CRPPA: variants seen among roughly 807,000 people sequenced by gnomAD.
CRPPA encodes D-ribitol-5-phosphate cytidylyltransferase.
Under a neutral mutation model 52.0 loss-of-function variants are expected in CRPPA, and 43 were observed. The observed-to-expected ratio is 0.83, with a 90% CI of 0.65 to 1.07. The LOEUF (loss-of-function observed/expected upper bound fraction) is 1.07. Among genes scored for constraint, CRPPA ranks in the 50% least tolerant of loss-of-function variants. The pLI is 0.00. For missense variants in CRPPA, 629 were observed against 551.7 expected (o/e 1.14, Z -1.40); for synonymous variants, 250 against 203.5 (o/e 1.23, Z -1.94).
intron 3 of CRPPA, among the ~76,000 whole-genome samples, chr7:16,324,352 T>A (rs551971799): frequency 6.6e-6 from 1 of 152,202 alleles, no homozygotes; most frequent in Non-Finnish European, 1.5e-5. Flanking sequence ...CTCCTCAGCA[T>A]CAAGAAGTTG....
At chr7:16,099,937 A>G (rs1782009658) in intron 9 of CRPPA, among the ~76,000 whole-genome samples, 1 of 152,178 alleles carries the variant, frequency 6.6e-6, no homozygotes, top group Admixed American at 6.5e-5. Context: ...GTAAGCCTAC[A>G]TTAACACCAT....
intron 1 of CRPPA, among the ~76,000 whole-genome samples, chr7:16,408,122 TAAA>T (rs199596938): frequency 1.5e-5 from 2 of 137,238 alleles, no homozygotes; most frequent in African/African-American, 3.1e-5. Context: ...AAAAAAAAAA[TAAA>T]AAAATAACTT....
At chr7:16,255,383 T>C (rs1783610135) in intron 8 of CRPPA, among the ~76,000 whole-genome samples, 1 of 152,160 alleles carries the variant, frequency 6.6e-6, no homozygotes, top group Non-Finnish European at 1.5e-5. Flanking sequence ...AATTTATAGA[T>C]TCAGTGCTAT....
chr7:16,334,675 C>T (rs949189581), intron 3 of CRPPA, among the ~76,000 whole-genome samples: 1 of 152,072 alleles, frequency 6.6e-6, no homozygotes, highest in Non-Finnish European at 1.5e-5. Context: ...CCTCAACTGA[C>T]GACAAAGTTG....
At chr7:16,117,567 C>T (rs998551160) in intron 9 of CRPPA, among the ~76,000 whole-genome samples, 5 of 152,174 alleles carry the variant, frequency 3.3e-5, no homozygotes, top group African/African-American at 9.7e-5. Flanking sequence ...ACTGCACACA[C>T]CTTGCGGGAG....
intron 2 of CRPPA, among the ~76,000 whole-genome samples, chr7:16,387,044 G>T (rs866301288): frequency 1.4e-4 from 13 of 96,012 alleles, no homozygotes; most frequent in African/African-American, 3.9e-4. Flanking sequence ...ATAAAAAAAA[G>T]ATATATATAT....
intron 9 of CRPPA, among the ~76,000 whole-genome samples, chr7:16,197,035 T>TATCTACCC (rs1415949168): frequency 1.3e-5 from 2 of 150,664 alleles, no homozygotes; most frequent in African/African-American, 4.9e-5. Flanking sequence ...AAGAAAAAGC[T>TATCTACCC]ATCTACCCAA....
intron 9 of CRPPA, among the ~76,000 whole-genome samples, chr7:16,129,702 G>A (rs371431623): frequency 1.3e-5 from 2 of 152,214 alleles, no homozygotes; most frequent in African/African-American, 4.8e-5. Context: ...TACAGATTTT[G>A]AATAAGTAAA....
rs576103102 is a variant in CRPPA, at chr7:16,411,950, T to C, written c.258-5613A>G. On this transcript the variant is annotated intron_variant, in intron 1 of 9. Coordinates refer to ENST00000407010, the MANE Select transcript of CRPPA (RefSeq NM_001101426.4). ...GCTACTTTTTAAAGAAAATTTACATTGACTTAAATGTTAAAATATGATGAA... is the reference window on the plus strand; with the variant it reads ...GCTACTTTTTAAAGAAAATTTACATCGACTTAAATGTTAAAATATGATGAA... Among the ~76,000 whole-genome samples the C allele has an allele frequency of 1.1e-3, 171 of 152,294 alleles. 1 individual carries two copies. Among genetic ancestry groups the C allele is most frequent in the African/African-American group, 3.9e-3 (162 of 41,574 alleles).
At chr7:16,287,043 T>C (rs1312009584) in intron 5 of CRPPA, among the ~76,000 whole-genome samples, 1 of 152,204 alleles carries the variant, frequency 6.6e-6, no homozygotes, top group Non-Finnish European at 1.5e-5. Flanking sequence ...TCATACTATA[T>C]ATTTTTAATA....
chr7:16,380,511 A>T (rs1255632705), intron 2 of CRPPA, among the ~76,000 whole-genome samples: 1 of 152,130 alleles, frequency 6.6e-6, no homozygotes, highest in Non-Finnish European at 1.5e-5. Flanking sequence ...TCATAAAATG[A>T]GTTAGGGAGG....
chr7:16,118,732 T>C (rs544091272), intron 9 of CRPPA, among the ~76,000 whole-genome samples: 4 of 152,340 alleles, frequency 2.6e-5, no homozygotes, highest in Non-Finnish European at 2.9e-5. Flanking sequence ...TCCCAAGGCA[T>C]TGCTTTCTAC....
In CRPPA at chr7:16,127,344, C is replaced by T. The variant is rs541496377; in HGVS notation, c.1252-35545G>A. Reference sequence around the variant, plus strand: ...TGTATCCTTGTACTTGAGTTGTAGGCTAATGTAACAAGAAAAGAAAAATAA... The same window carrying T: ...TGTATCCTTGTACTTGAGTTGTAGGTTAATGTAACAAGAAAAGAAAAATAA... On this transcript the variant is annotated intron_variant, in intron 9 of 9. Transcript: ENST00000407010. Among the ~76,000 whole-genome samples, 9 of 151,634 alleles carry T rather than the reference C, an allele frequency of 5.9e-5. No homozygotes were observed. The East Asian group carries it at 1.6e-3, about 26-fold the overall frequency.
intron 9 of CRPPA, among the ~76,000 whole-genome samples, chr7:16,115,981 C>T (rs555798473): frequency 2.2e-4 from 34 of 152,084 alleles, no homozygotes; most frequent in African/African-American, 8.0e-4. Flanking sequence ...AATAAAAAAC[C>T]ACTAAGTGAC....
At chr7:16,311,788 G>T (rs1293031256) in intron 3 of CRPPA, among the ~76,000 whole-genome samples, 1 of 152,072 alleles carries the variant, frequency 6.6e-6, no homozygotes, top group Non-Finnish European at 1.5e-5. Flanking sequence ...GTTAATGGTT[G>T]TGACAGGTTG....
chr7:16,409,863 C>T (rs1181407169), intron 1 of CRPPA, among the ~76,000 whole-genome samples: 1 of 152,142 alleles, frequency 6.6e-6, no homozygotes, highest in East Asian at 1.9e-4. Context: ...AGAATGTAGG[C>T]TCCATATAGA....
chr7:16,274,072 C>T (rs757306145), intron 6 of CRPPA, among the ~76,000 whole-genome samples: 22 of 152,088 alleles, frequency 1.4e-4, no homozygotes, highest in African/African-American at 4.1e-4. Context: ...GTTTTTGAGA[C>T]GGAGTCTCGC....
chr7:16,347,167 A>C (rs1476837284), intron 3 of CRPPA, among the ~76,000 whole-genome samples: 2 of 152,084 alleles, frequency 1.3e-5, no homozygotes. Flanking sequence ...CATTTATCAG[A>C]CAAGGAAACT....
Position 16,220,963 on chromosome 7 carries a change from C to T in CRPPA, c.1120-4766G>A, listed in dbSNP as rs1428906586. Among the ~76,000 whole-genome samples the T allele has an allele frequency of 2.6e-5, 4 of 151,946 alleles. No individual in the cohort carries two copies. The South Asian group carries it at 8.3e-4, about 32-fold the overall frequency. Reference sequence around the variant, plus strand: ...AAACTACTTTAAAGTTCATATGGAACCAAAAAAGAGCCCGCATCACCAAGG... The same window carrying T: ...AAACTACTTTAAAGTTCATATGGAATCAAAAAAGAGCCCGCATCACCAAGG... On this transcript the variant is annotated intron_variant, in intron 8 of 9. Transcript: ENST00000407010.
Sources: allele counts gnomAD v4.1 joint callset (sites outside exome capture counted in the v4.1 genomes callset), GRCh38; gene constraint gnomAD v4.1.1; transcripts MANE v1.5; gene names NCBI Gene and HGNC (gene_info 2026-07-23, HGNC 2026-07-21).